LRRC9: variants seen among roughly 807,000 people sequenced by gnomAD.
The protein encoded by LRRC9 is leucine-rich repeat-containing protein 9.
A neutral mutation model predicts 63.2 loss-of-function variants in LRRC9; 122 were observed. The ratio of observed to expected loss-of-function variants is 1.93; its 90% CI spans 1.67 to 2.24. The LOEUF is 2.24. Among genes scored for constraint, LRRC9 ranks in the 30% most tolerant of loss-of-function variants. The pLI, the probability that LRRC9 is intolerant of heterozygous loss-of-function variation, is 0.00. For missense variants in LRRC9, 1,071 were observed against 627.7 expected (o/e 1.71, Z -7.55); for synonymous variants, 366 against 213.1 (o/e 1.72, Z -6.25).
chr14:59,929,606 A>G (rs979538721), intron 3 of LRRC9, among the ~76,000 whole-genome samples: 1 of 152,146 alleles, frequency 6.6e-6, no homozygotes, highest in Admixed American at 6.6e-5. Context: ...AAACCATTCT[A>G]TCATAAACAC....
At position 60,016,547 on chromosome 14, in the gene LRRC9, TAGTAGGAGGAATCTGGAAAA is replaced by T. The variant is rs1890700248; in HGVS notation, c.3187-111_3187-92del. ...ATAATGCACAGGATTTAGCTCTACT[TAGTAGGAGGAATCTGGAAAA>T]ATGAGTCCACTGAATTTTTACCTAA... On this transcript the variant is annotated intron_variant, in intron 23 of 31. Coordinates refer to ENST00000445360, the Ensembl canonical transcript of LRRC9. 5.3e-6 allele frequency: 3 copies of T among 569,044 alleles called. No homozygotes were observed. In the East Asian group the frequency reaches 8.4e-5, roughly 16 times the overall value. The allele number at this position is 569,044 out of a possible 1,614,324, so 35.2% of individuals were successfully genotyped here.
chr14:60,055,731 TAA>T (rs755671026), intron 30 of LRRC9, among the ~76,000 whole-genome samples: 3 of 119,576 alleles, frequency 2.5e-5, no homozygotes, highest in East Asian at 2.7e-4. Flanking sequence ...TGTCTCTATT[TAA>T]AAAAAAAAAA....
At chr14:60,025,744 T>A (rs1276852721) in intron 27 of LRRC9, among the ~76,000 whole-genome samples, 1 of 151,622 alleles carries the variant, frequency 6.6e-6, no homozygotes, top group Non-Finnish European at 1.5e-5. Context: ...TGCACCAGTG[T>A]GTGTTATGGT....
exon 20 of LRRC9, chr14:60,001,987 A>T (rs1437188447): frequency 2.9e-6 from 2 of 689,378 alleles, no homozygotes; most frequent in Non-Finnish European, 5.3e-6. Context: ...ACGGCATTCT[A>T]GTACTAAAGA....
At chr14:60,034,263 T>C (rs1160073844) in intron 29 of LRRC9, among the ~76,000 whole-genome samples, 2 of 151,920 alleles carry the variant, frequency 1.3e-5, no homozygotes, top group South Asian at 2.1e-4. Context: ...ATGATCCACC[T>C]GCCTCGGCCT....
At chr14:59,998,134 A>G (rs1283968830) in intron 18 of LRRC9, among the ~76,000 whole-genome samples, 2 of 152,032 alleles carry the variant, frequency 1.3e-5, no homozygotes, top group Non-Finnish European at 2.9e-5. Context: ...AAACCTCCAG[A>G]TATTTTATAT....
exon 8 of LRRC9, chr14:59,944,733 G>A (rs1882161048): frequency 1.5e-6 from 1 of 667,264 alleles, no homozygotes; most frequent in Non-Finnish European, 2.7e-6. Flanking sequence ...ATTCAGCTTT[G>A]TGAAGAAAAC....
intron 7 of LRRC9, 83 bp from the exon 8 acceptor site, chr14:59,944,506 C>G: frequency 2.1e-6 from 1 of 467,320 alleles, no homozygotes; most frequent in Non-Finnish European, 3.7e-6. Flanking sequence ...TTATATAGAA[C>G]ATACTGTATT....
In LRRC9 at chr14:60,012,565, TTTAA is replaced by T. The variant is rs372165551; in HGVS notation, c.3187-4092_3187-4089del. 4.9e-3 allele frequency among the ~76,000 whole-genome samples: 752 copies of T among 152,288 alleles called. 13 individuals carry two copies. Among genetic ancestry groups the T allele is most frequent in the African/African-American group, 0.017 (711 of 41,580 alleles). On this transcript the variant is annotated intron_variant, in intron 23 of 31. Coordinates refer to ENST00000445360, the Ensembl canonical transcript of LRRC9. ...AAAAGTAGATCAAATGACTTACCAG[TTTAA>T]TTTAGATCAAGTTCAAACCATTTGT...
At position 59,986,317 on chromosome 14, in the gene LRRC9, A is replaced by G. The variant is rs554884744; in HGVS notation, c.2211+1093A>G. 4.3e-4 allele frequency among the ~76,000 whole-genome samples: 66 copies of G among 152,324 alleles called. No homozygotes were observed. In the Middle Eastern group the frequency reaches 0.01, roughly 24 times the overall value. ...GGTCACTCACTTATCTCTTCAGAAT[A>G]TATCATCATTTTCAGCTCTTATTCA... is the stretch of plus-strand genomic sequence containing the variant. On this transcript the variant is annotated intron_variant, in intron 17 of 31. Coordinates refer to ENST00000445360, the Ensembl canonical transcript of LRRC9. The surrounding 1 kb of genome is among the most constrained non-coding windows in gnomAD (Gnocchi z 4.7).
chr14:60,047,077 T>C (rs1566906723), intron 29 of LRRC9, among the ~76,000 whole-genome samples: 1 of 152,138 alleles, frequency 6.6e-6, no homozygotes, highest in African/African-American at 2.4e-5. Context: ...TGTTGATGTA[T>C]AGGAATGCTA....
intron 29 of LRRC9, among the ~76,000 whole-genome samples, chr14:60,049,289 C>T (rs927420180): frequency 1.3e-5 from 2 of 152,172 alleles, no homozygotes; most frequent in Admixed American, 6.5e-5. Flanking sequence ...GAATTTGATT[C>T]TGTCATCATG....
intron 29 of LRRC9, among the ~76,000 whole-genome samples, chr14:60,045,022 C>T (rs1191479829): frequency 1.4e-5 from 2 of 145,982 alleles, no homozygotes; most frequent in Non-Finnish European, 3.0e-5. Flanking sequence ...GAATTGAAAC[C>T]TTTGTCATTA....
At chr14:59,961,305 T>G (rs1884329250) in intron 10 of LRRC9, among the ~76,000 whole-genome samples, 2 of 152,186 alleles carry the variant, frequency 1.3e-5, no homozygotes, top group Non-Finnish European at 2.9e-5. Flanking sequence ...CTTTACCCAA[T>G]TTTTCTTAGC....
chr14:59,980,014 T>C (rs1886759749), intron 15 of LRRC9, among the ~76,000 whole-genome samples: 1 of 152,156 alleles, frequency 6.6e-6, no homozygotes, highest in Non-Finnish European at 1.5e-5. Flanking sequence ...TAATTTGTAA[T>C]TCACAAGTTA....
chr14:59,973,145 C>A (rs1885716059), intron 12 of LRRC9, among the ~76,000 whole-genome samples: 1 of 151,962 alleles, frequency 6.6e-6, no homozygotes, highest in Admixed American at 6.6e-5. Context: ...TTTTAAATTT[C>A]TGATTATTTG....
chr14:59,960,781 T>G (rs546514181), intron 9 of LRRC9, 133 bp from the exon 10 acceptor site: 130 of 479,796 alleles, frequency 2.7e-4, no homozygotes, highest in Non-Finnish European at 4.5e-4. Context: ...GTTTAACTGT[T>G]AACACCAAGC....
intron 29 of LRRC9, among the ~76,000 whole-genome samples, chr14:60,037,012 G>A (rs1046334573): frequency 6.6e-6 from 1 of 152,020 alleles, no homozygotes; most frequent in Non-Finnish European, 1.5e-5. Context: ...GAGAACATGT[G>A]GTGTTTGGTT....
At chr14:60,038,846 G>A (rs1403088497) in intron 29 of LRRC9, among the ~76,000 whole-genome samples, 1 of 152,176 alleles carries the variant, frequency 6.6e-6, no homozygotes, top group Non-Finnish European at 1.5e-5. Flanking sequence ...TCTTGTGCCA[G>A]TTTTCAAAGG....
Sources: allele counts gnomAD v4.1 joint callset (sites outside exome capture counted in the v4.1 genomes callset), GRCh38; gene constraint gnomAD v4.1.1; non-coding constraint Gnocchi (gnomAD v3.1); transcripts MANE v1.5; gene names NCBI Gene and HGNC (gene_info 2026-07-23, HGNC 2026-07-21).